The following UNC13B variants were observed in gnomAD, a reference collection of about 807,000 sequenced individuals.
The protein encoded by UNC13B is protein unc-13 homolog B.
In UNC13B, 144 loss-of-function variants were observed where a neutral mutation model predicts 211.0. The observed-to-expected ratio is 0.68, with a 90% CI of 0.60 to 0.78. The LOEUF (loss-of-function observed/expected upper bound fraction) is 0.78, where lower values mean the gene tolerates loss of function less well. UNC13B is among the 30% of genes least tolerant of loss of function. UNC13B has a pLI of 0.00. For missense variants in UNC13B, 1,777 were observed against 2,002.0 expected, an observed-to-expected ratio of 0.89 and a Z score of 2.14; for synonymous variants, 709 against 725.8, an observed-to-expected ratio of 0.98 and a Z score of 0.37.
chr9:35,397,495 G>A (rs1228677588), intron 29 of UNC13B, 140 bp from the exon 30 acceptor site: 7 of 1,275,708 alleles, frequency 5.5e-6, no homozygotes, highest in Non-Finnish European at 7.6e-6. Context: ...GGTTGAGAGA[G>A]AGCTTTCTCC....
chr9:35,210,649 G>A (rs891211927), intron 1 of UNC13B, among the ~76,000 whole-genome samples: 3 of 151,502 alleles, frequency 2.0e-5, no homozygotes, highest in South Asian at 4.2e-4. Flanking sequence ...TCAGCCTCCC[G>A]AGTAGCTGGG....
At chr9:35,291,253 G>A in intron 7 of UNC13B, 1 of 804,566 alleles carries the variant, frequency 1.2e-6, no homozygotes, top group Admixed American at 2.7e-5. Flanking sequence ...GACCTGTGGT[G>A]GAATGTTATA....
At chr9:35,310,419 T>C in intron 9 of UNC13B, 48 bp from the exon 10 acceptor site, 1 of 1,578,218 alleles carries the variant, frequency 6.3e-7, no homozygotes, top group Non-Finnish European at 8.7e-7. Flanking sequence ...TTTGTCCTGG[T>C]CCCTGATTGC....
intron 1 of UNC13B, among the ~76,000 whole-genome samples, chr9:35,176,456 G>A (rs1429150704): frequency 6.6e-6 from 1 of 152,132 alleles, no homozygotes; most frequent in Non-Finnish European, 1.5e-5. Flanking sequence ...TCTGAGGCAT[G>A]AGAATCGCTT....
At chr9:35,267,723 A>C (rs1330102070) in intron 7 of UNC13B, among the ~76,000 whole-genome samples, 3 of 152,146 alleles carry the variant, frequency 2.0e-5, no homozygotes, top group Non-Finnish European at 2.9e-5. Flanking sequence ...AATGGGGTGC[A>C]GGTGTGAGTC....
intron 12 of UNC13B, among the ~76,000 whole-genome samples, chr9:35,368,824 AC>A (rs1398141546): frequency 6.6e-6 from 1 of 151,858 alleles, no homozygotes; most frequent in African/African-American, 2.4e-5. Flanking sequence ...TAAAAAAAAA[AC>A]TTCTTGCCTT....
intron 14 of UNC13B, 46 bp from the exon 15 acceptor site, chr9:35,375,982 A>G: frequency 6.2e-7 from 1 of 1,604,254 alleles, no homozygotes; most frequent in Non-Finnish European, 8.5e-7. Flanking sequence ...TCTGTCTCAA[A>G]ACAAACAAAA....
In UNC13B at chr9:35,399,051, G is replaced by T; in HGVS notation, c.12074+17G>T. ...GGATGGCAAGTGAGTACAGCATTCAGGACTATCCTGTGGGGATGAGCAAAG... is the reference window on the plus strand; with the variant it reads ...GGATGGCAAGTGAGTACAGCATTCATGACTATCCTGTGGGGATGAGCAAAG... On this transcript the variant is annotated intron_variant, in intron 33 of 39. Transcript: ENST00000635942. 6.2e-7 allele frequency: 1 copy of T among 1,613,696 alleles called. No homozygotes were observed.
At chr9:35,167,342 A>G (rs1428810226) in intron 1 of UNC13B, among the ~76,000 whole-genome samples, 3 of 152,006 alleles carry the variant, frequency 2.0e-5, no homozygotes, top group Non-Finnish European at 4.4e-5. Flanking sequence ...CAAAGTGCTG[A>G]GATTACAGGC....
chr9:35,277,069 A>G (rs1052868311), intron 7 of UNC13B, among the ~76,000 whole-genome samples: 1 of 152,136 alleles, frequency 6.6e-6, no homozygotes, highest in African/African-American at 2.4e-5. Context: ...AAGTGTAGGG[A>G]CATAGTCTTT....
intron 11 of UNC13B, among the ~76,000 whole-genome samples, chr9:35,359,021 C>A (rs916193283): frequency 6.6e-6 from 1 of 151,882 alleles, no homozygotes; most frequent in African/African-American, 2.4e-5. Context: ...AATTTTTGTG[C>A]ATAGTATGAG....
chr9:35,245,903 C>G (rs956204438), intron 6 of UNC13B, among the ~76,000 whole-genome samples: 16 of 152,148 alleles, frequency 1.1e-4, no homozygotes, highest in African/African-American at 3.6e-4. Flanking sequence ...ATTTCTAGTT[C>G]TAGATCCCTG....
intron 1 of UNC13B, among the ~76,000 whole-genome samples, chr9:35,177,446 A>G (rs1386884886): frequency 6.6e-6 from 1 of 152,234 alleles, no homozygotes; most frequent in African/African-American, 2.4e-5. Context: ...TACCAGTGAA[A>G]GCTTTTGGCA....
rs138786089 is a variant in UNC13B, at chr9:35,312,075, A to G, written c.9323+1294A>G. ...GCCAGTAGCAATCCTTGCAACCCTCAGTTGTGACAATTAAAACTGTCTCCT... is the reference window on the plus strand; with the variant it reads ...GCCAGTAGCAATCCTTGCAACCCTCGGTTGTGACAATTAAAACTGTCTCCT... On this transcript the variant is annotated intron_variant, in intron 10 of 39. Coordinates refer to ENST00000635942, the MANE Select transcript of UNC13B (RefSeq NM_001371189.2). Among the ~76,000 whole-genome samples, 509 of 152,324 alleles carry G rather than the reference A, an allele frequency of 3.3e-3. 2 individuals are homozygous for G. The highest frequency in any genetic ancestry group is 0.012 in the African/African-American group (482 of 41,574).
intron 1 of UNC13B, among the ~76,000 whole-genome samples, chr9:35,187,907 T>C (rs181634179): frequency 8.7e-4 from 133 of 152,302 alleles, no homozygotes; most frequent in African/African-American, 3.1e-3. Context: ...AAGTCTAGAT[T>C]GACTCCTTAA....
At chr9:35,236,678 T>C in intron 4 of UNC13B, 92 bp downstream of exon 4, 1 of 1,131,508 alleles carries the variant, frequency 8.8e-7, no homozygotes, top group Non-Finnish European at 1.3e-6. Context: ...CATCCATGCA[T>C]CTTGGATTAT....
In UNC13B at chr9:35,305,091, G is replaced by A. The variant is rs759225314; in HGVS notation, c.5687G>A (p.Arg1896His). ...GCACCTCAGCATAGTGGGGATGAGC[G>A]TGAGAATTATGAGCTTCCCCAGGGC... ...SPAPQHSGDE[R>H]ENYELPQGQS... is the part of the protein sequence containing the mutation. Residue 1896 changes from arginine (R) to histidine (H), a missense_variant, in exon 9 of 40, where the codon CGT becomes CAT. Arg to His is a conservative substitution (Grantham distance 29). Coordinates refer to ENST00000635942, the MANE Select transcript of UNC13B (RefSeq NM_001371189.2). The A allele has an allele frequency of 1.3e-5, 5 of 398,774 alleles. No individual in the cohort carries two copies. The highest frequency in any genetic ancestry group is 8.8e-5 in the Admixed American group (2 of 22,694). The allele number at this position is 398,774 out of a possible 1,614,324, so 24.7% of individuals were successfully genotyped here. A position where few individuals can be genotyped will look rare whatever the true frequency, so the allele number is the denominator to read the frequency against.
At chr9:35,217,415 CAG>C (rs1824312946) in intron 1 of UNC13B, among the ~76,000 whole-genome samples, 1 of 144,174 alleles carries the variant, frequency 6.9e-6, no homozygotes, top group Non-Finnish European at 1.5e-5. Flanking sequence ...TTTTTTGAGA[CAG>C]AGTCTCTGTC....
intron 11 of UNC13B, among the ~76,000 whole-genome samples, chr9:35,363,307 T>G (rs1833551009): frequency 6.6e-6 from 1 of 151,934 alleles, no homozygotes; most frequent in Admixed American, 6.6e-5. Flanking sequence ...ATATTTAAGA[T>G]AGTGAAGGGG....
Sources: allele counts gnomAD v4.1 joint callset (sites outside exome capture counted in the v4.1 genomes callset), GRCh38; gene constraint gnomAD v4.1.1; transcripts MANE v1.5; gene names NCBI Gene and HGNC (gene_info 2026-07-23, HGNC 2026-07-21).